Variants in B3GALT5 observed in about 807,000 individuals in gnomAD.
The protein encoded by B3GALT5 is beta-1,3-galactosyltransferase 5.
For synonymous variants in B3GALT5, 156 were observed against 158.6 expected (o/e 0.98, Z 0.12); for missense variants, 328 against 396.6 (o/e 0.83, Z 1.47).
In B3GALT5 at chr21:39,670,719, A is replaced by G. The variant is rs1346975006; in HGVS notation, c.*9227A>G. 1 of 152,024 alleles carries G rather than the reference A, an allele frequency of 6.6e-6. No homozygotes were observed. Among genetic ancestry groups the G allele is most frequent in the African/African-American group, 2.4e-5 (1 of 41,386 alleles). 9.4% of individuals were successfully genotyped at this position (152,024 alleles called of 1,614,324 possible). A position where few individuals can be genotyped will look rare whatever the true frequency, so the allele number is the denominator to read the frequency against. On this transcript the variant is annotated 3_prime_UTR_variant, in exon 4 of 4. Coordinates refer to ENST00000684187, the MANE Select transcript of B3GALT5 (RefSeq NM_001356336.2). ...CAATACTATTTAGAATCCTTGATAA[A>G]CAGTTCCAAAAGAAAAAAAAAAACA...
intron 1 of B3GALT5, among the ~76,000 whole-genome samples, chr21:39,621,698 A>G (rs959065963): frequency 1.3e-5 from 2 of 152,162 alleles, no homozygotes; most frequent in African/African-American, 4.8e-5. Context: ...TTATTGGCAT[A>G]AAATTGTTCA....
chr21:39,634,313 A>T (rs1464512613), intron 1 of B3GALT5, among the ~76,000 whole-genome samples: 1 of 152,062 alleles, frequency 6.6e-6, no homozygotes, highest in Admixed American at 6.5e-5. Flanking sequence ...GTGGGAGGGA[A>T]ATGGCCTCTC....
At chr21:39,644,901 T>C (rs1372987876) in intron 1 of B3GALT5, among the ~76,000 whole-genome samples, 1 of 152,162 alleles carries the variant, frequency 6.6e-6, no homozygotes, top group African/African-American at 2.4e-5. Context: ...ACTGACTGTC[T>C]TGGGGGGATG....
At chr21:39,647,550 G>A (rs902377033) in intron 2 of B3GALT5, among the ~76,000 whole-genome samples, 1 of 33,124 alleles carries the variant, frequency 3.0e-5, no homozygotes, top group African/African-American at 1.4e-4. Flanking sequence ...TGCTGGCCAC[G>A]CTGGTCCACG....
chr21:39,633,056 A>G (rs376098733), intron 1 of B3GALT5, among the ~76,000 whole-genome samples: 1 of 152,088 alleles, frequency 6.6e-6, no homozygotes, highest in African/African-American at 2.4e-5. Flanking sequence ...GAAGATTTCC[A>G]TTGGAAAATG....
chr21:39,656,361 T>C (rs1035707161), intron 2 of B3GALT5, among the ~76,000 whole-genome samples: 4 of 152,152 alleles, frequency 2.6e-5, no homozygotes, highest in Non-Finnish European at 4.4e-5. Flanking sequence ...GCCAACACCC[T>C]CCCCGGGTTT....
Position 39,672,299 on chromosome 21 carries a change from G to T in B3GALT5, c.*10807G>T, listed in dbSNP as rs191143599. 1.3e-5 allele frequency: 2 copies of T among 152,344 alleles called. No individual in the cohort carries two copies. Among genetic ancestry groups the T allele is most frequent in the Admixed American group, 1.3e-4 (2 of 15,298 alleles). The allele number at this position is 152,344 out of a possible 1,614,324, so 9.4% of individuals were successfully genotyped here. A position where few individuals can be genotyped will look rare whatever the true frequency, so the allele number is the denominator to read the frequency against. ...TTCAATTCGGCTCCAGAGAGTATCA[G>T]ATGGGAAATAGATGACTTGTTTTAC... is the stretch of plus-strand genomic sequence containing the variant. On this transcript the variant is annotated 3_prime_UTR_variant, in exon 4 of 4. Coordinates refer to ENST00000684187, the MANE Select transcript of B3GALT5 (RefSeq NM_001356336.2).
At chr21:39,632,683 C>T (rs748742968) in intron 1 of B3GALT5, among the ~76,000 whole-genome samples, 79 of 152,158 alleles carry the variant, frequency 5.2e-4, no homozygotes, top group Non-Finnish European at 7.4e-4. Flanking sequence ...AGGCAGTCAC[C>T]GTCTCACCAG....
Position 39,661,440 on chromosome 21 carries a change from A to G in B3GALT5, c.881A>G (p.Asp294Gly). ...CHFIKPRTLLDYWQALENSRG... is the reference protein window; with the variant it reads ...CHFIKPRTLLGYWQALENSRG... ...TTCATCAAGCCTCGGACTCTCTTGG[A>G]CTACTGGCAGGCTCTAGAGAATTCC... The change falls in exon 4 of 4, where the codon GAC (aspartate) becomes GGC (glycine). Residue 294 changes from aspartate to glycine, a missense_variant. By Grantham distance (94) the Asp-to-Gly change is moderately conservative. Coordinates refer to ENST00000684187, the MANE Select transcript of B3GALT5 (RefSeq NM_001356336.2). This position sits in a 1 kb window ranked among gnomAD's most constrained non-coding sequence, Gnocchi z 4.7. 2.6e-6 allele frequency: 4 copies of G among 1,531,942 alleles called. No individual in the cohort carries two copies. The highest frequency in any genetic ancestry group is 2.6e-6 in the Non-Finnish European group (3 of 1,141,762). The allele number at this position is 1,531,942 out of a possible 1,614,324, so 94.9% of individuals were successfully genotyped here. A position where few individuals can be genotyped will look rare whatever the true frequency, so the allele number is the denominator to read the frequency against.
intron 1 of B3GALT5, among the ~76,000 whole-genome samples, chr21:39,641,498 G>C (rs540370224): frequency 7.9e-5 from 12 of 152,248 alleles, no homozygotes; most frequent in African/African-American, 2.9e-4. Context: ...TAGTCTTATA[G>C]TCCATGTAAT....
In B3GALT5 at chr21:39,666,701, A is replaced by ATTT. The variant is rs2079581330; in HGVS notation, c.*5209_*5210insTTT. The stretch of plus-strand genomic sequence containing the variant: ...CCACCATGCCTTAAAAAACAAAACA[A>ATTT]AACCCTAAATGTATTTAATTCCTGC... On this transcript the variant is annotated 3_prime_UTR_variant, in exon 4 of 4. Coordinates refer to ENST00000684187, the MANE Select transcript of B3GALT5 (RefSeq NM_001356336.2). The ATTT allele has an allele frequency of 6.6e-6, 1 of 152,372 alleles. No homozygotes were observed. Among genetic ancestry groups the ATTT allele is most frequent in the Non-Finnish European group, 1.5e-5 (1 of 68,164 alleles). 9.4% of individuals were successfully genotyped at this position (152,372 alleles called of 1,614,324 possible).
rs1294706708 is a variant in B3GALT5, at chr21:39,662,369, C to G, written c.*877C>G. On this transcript the variant is annotated 3_prime_UTR_variant, in exon 4 of 4. Coordinates refer to ENST00000684187, the MANE Select transcript of B3GALT5 (RefSeq NM_001356336.2). ...TCCCTTGTTTTTGATCAATGGGGACCAGCCACTGCCCCAGGAGCACTTTAG... is the reference window on the plus strand; with the variant it reads ...TCCCTTGTTTTTGATCAATGGGGACGAGCCACTGCCCCAGGAGCACTTTAG... The G allele has an allele frequency of 6.0e-6, 1 of 167,118 alleles. No homozygotes were observed. The highest frequency in any genetic ancestry group is 1.5e-5 in the Non-Finnish European group (1 of 68,148). 10.4% of individuals were successfully genotyped at this position (167,118 alleles called of 1,614,324 possible).
At chr21:39,650,083 C>T (rs1014226841) in intron 2 of B3GALT5, among the ~76,000 whole-genome samples, 1 of 152,134 alleles carries the variant, frequency 6.6e-6, no homozygotes, top group Non-Finnish European at 1.5e-5. Flanking sequence ...TGGACCCCTG[C>T]CTGCCCCAGG....
intron 1 of B3GALT5, among the ~76,000 whole-genome samples, chr21:39,613,659 C>CGT (rs60776259): frequency 0.024 from 3,680 of 150,942 alleles, 157 homozygotes; most frequent in African/African-American, 0.082. Flanking sequence ...ATATCTGTAC[C>CGT]GTGTGTGTGT....
At position 39,612,952 on chromosome 21, in the gene B3GALT5, G is replaced by T. The variant is rs1296195044; in HGVS notation, c.-507G>T. 1 of 151,828 alleles carries T rather than the reference G, an allele frequency of 6.6e-6. No homozygotes were observed. Among genetic ancestry groups the T allele is most frequent in the Non-Finnish European group, 1.5e-5 (1 of 67,954 alleles). The allele number at this position is 151,828 out of a possible 1,614,324, so 9.4% of individuals were successfully genotyped here. A position where few individuals can be genotyped will look rare whatever the true frequency, so the allele number is the denominator to read the frequency against. ...GGGGAGCAAAACCATCCTCGGCCTGGACCCAGCGCCTCCGGGGACCGGCCG... is the reference window on the plus strand; with the variant it reads ...GGGGAGCAAAACCATCCTCGGCCTGTACCCAGCGCCTCCGGGGACCGGCCG... On this transcript the variant is annotated 5_prime_UTR_variant, in exon 1 of 4. Transcript: ENST00000684187.
intron 2 of B3GALT5, chr21:39,657,875 G>A: frequency 8.1e-7 from 1 of 1,231,764 alleles, no homozygotes; most frequent in Non-Finnish European, 1.0e-6. Context: ...ACAGCCTGGT[G>A]GTCTAGATGT....
At chr21:39,639,408 CTTTCTTTCTTTCTTTCTT>C (rs750090183) in intron 1 of B3GALT5, among the ~76,000 whole-genome samples, 12 of 82,164 alleles carry the variant, frequency 1.5e-4, no homozygotes, top group Non-Finnish European at 2.0e-4. Flanking sequence ...CTTTTTCTTT[CTTTCTTTCTTTCTTTCTT>C]TCTTTCTTTC....
At chr21:39,635,216 T>C (rs2079218519) in intron 1 of B3GALT5, among the ~76,000 whole-genome samples, 2 of 152,118 alleles carry the variant, frequency 1.3e-5, no homozygotes, top group Admixed American at 1.3e-4. Context: ...GGGTCATCTT[T>C]TGTTAGTGTT....
chr21:39,637,668 A>G (rs899703369), intron 1 of B3GALT5, among the ~76,000 whole-genome samples: 16 of 152,220 alleles, frequency 1.1e-4, no homozygotes, highest in Non-Finnish European at 1.9e-4. Flanking sequence ...AACAAAGGCC[A>G]TTGATTGATT....
Sources: allele counts gnomAD v4.1 joint callset (sites outside exome capture counted in the v4.1 genomes callset), GRCh38; gene constraint gnomAD v4.1.1; non-coding constraint Gnocchi (gnomAD v3.1); transcripts MANE v1.5; gene names NCBI Gene and HGNC (gene_info 2026-07-23, HGNC 2026-07-21).